The following LRRC37A2 variants were observed in gnomAD, a reference collection of about 807,000 sequenced individuals.
LRRC37A2 encodes leucine rich repeat containing 37 member A2, also known as leucine-rich repeat-containing protein 37A2.
In LRRC37A2, 9 loss-of-function variants were observed where a neutral mutation model predicts 68.8. That is an observed-to-expected ratio of 0.13 (90% CI 0.08 to 0.23). The LOEUF (loss-of-function observed/expected upper bound fraction) is 0.23, where lower values mean the gene tolerates loss of function less well. Among genes scored for constraint, LRRC37A2 ranks in the 10% least tolerant of loss-of-function variants. The probability of loss-of-function intolerance (pLI) is 1.00; values close to 1 mark genes in which losing one functional copy is unlikely to be tolerated. For missense variants in LRRC37A2, 168 were observed against 950.4 expected (o/e 0.18, Z 10.82); for synonymous variants, 63 against 367.6 (o/e 0.17, Z 9.48).
the LRRC37A2 span, among the ~76,000 whole-genome samples, chr17:46,710,295 C>G: frequency 7.9e-5 from 12 of 152,040 alleles, no homozygotes; most frequent in Non-Finnish European, 1.2e-4. Flanking sequence ...GGAGGTATAA[C>G]CTTTGAGATT....
chr17:46,924,782 G>C, the LRRC37A2 span, among the ~76,000 whole-genome samples: 1 of 152,186 alleles, frequency 6.6e-6, no homozygotes, highest in African/African-American at 2.4e-5. Flanking sequence ...GTAATTTAGA[G>C]AAAGAATGAA....
the LRRC37A2 span, among the ~76,000 whole-genome samples, chr17:46,836,273 G>A: frequency 1.2e-4 from 19 of 152,112 alleles, no homozygotes; most frequent in Admixed American, 1.2e-3. Flanking sequence ...TTCAACTGGG[G>A]CTCCCAGGGA....
the LRRC37A2 span, chr17:46,940,529 G>C: frequency 6.2e-7 from 1 of 1,614,052 alleles, no homozygotes; most frequent in East Asian, 2.2e-5. Context: ...CTGAGACTGC[G>C]ACGGCAAGGC....
chr17:46,796,036 G>T, the LRRC37A2 span, among the ~76,000 whole-genome samples: 1 of 152,112 alleles, frequency 6.6e-6, no homozygotes. Flanking sequence ...TCAGTAAAAA[G>T]AAACAGAGGA....
At chr17:46,781,770 T>C in the LRRC37A2 span, among the ~76,000 whole-genome samples, 1 of 152,186 alleles carries the variant, frequency 6.6e-6, no homozygotes, top group Non-Finnish European at 1.5e-5. Context: ...ATCCCCAGCC[T>C]TCAACTTCGC....
At chr17:46,749,817 C>A in the LRRC37A2 span, 1 of 1,614,092 alleles carries the variant, frequency 6.2e-7, no homozygotes, top group Non-Finnish European at 8.5e-7. Context: ...GCAAAGATGT[C>A]CTTCAGGAGA....
the LRRC37A2 span, among the ~76,000 whole-genome samples, chr17:46,771,343 G>A: frequency 7.9e-5 from 12 of 151,876 alleles, no homozygotes; most frequent in Non-Finnish European, 1.6e-4. Context: ...CCCAATCCTA[G>A]ACGCCCCAGC....
the LRRC37A2 span, chr17:46,770,149 A>G: frequency 1.2e-4 from 176 of 1,412,862 alleles, no homozygotes; most frequent in Non-Finnish European, 5.6e-6. Flanking sequence ...CGAGGCCAGG[A>G]AGAGTTGAAG....
chr17:46,893,056 C>T, the LRRC37A2 span, among the ~76,000 whole-genome samples: 1 of 152,022 alleles, frequency 6.6e-6, no homozygotes, highest in Non-Finnish European at 1.5e-5. Context: ...GGCTCAGCCT[C>T]CTGGGTAGCC....
the LRRC37A2 span, chr17:46,940,687 G>T: frequency 6.2e-7 from 1 of 1,610,954 alleles, no homozygotes; most frequent in African/African-American, 1.3e-5. Flanking sequence ...ACATCTTTTC[G>T]TGGTGTGCAC....
At chr17:46,859,370 A>T in the LRRC37A2 span, among the ~76,000 whole-genome samples, 1 of 152,148 alleles carries the variant, frequency 6.6e-6, no homozygotes, top group Non-Finnish European at 1.5e-5. Context: ...TTGCATATGA[A>T]TGTCCACGTG....
chr17:46,925,376 G>T, the LRRC37A2 span, among the ~76,000 whole-genome samples: 1 of 152,204 alleles, frequency 6.6e-6, no homozygotes, highest in Non-Finnish European at 1.5e-5. Flanking sequence ...CCTACTATGT[G>T]CTGTGCACCA....
chr17:46,845,628 C>T, the LRRC37A2 span, among the ~76,000 whole-genome samples: 1 of 150,910 alleles, frequency 6.6e-6, no homozygotes, highest in Non-Finnish European at 1.5e-5. Flanking sequence ...TAGCTGGGGA[C>T]TACAGGTGCC....
At chr17:46,868,126 G>T in the LRRC37A2 span, among the ~76,000 whole-genome samples, 1 of 152,160 alleles carries the variant, frequency 6.6e-6, no homozygotes, top group Non-Finnish European at 1.5e-5. Flanking sequence ...CTGATAGAGT[G>T]GTGGCCCCAG....
the LRRC37A2 span, chr17:46,851,706 C>T: frequency 7.6e-7 from 1 of 1,309,718 alleles, no homozygotes; most frequent in Non-Finnish European, 9.7e-7. This position sits in a 1 kb window ranked among gnomAD's most constrained non-coding sequence, Gnocchi z 4.3. Flanking sequence ...GCCGCCGCCT[C>T]CTACTTCGGG....
chr17:46,946,988 C>A, the LRRC37A2 span, among the ~76,000 whole-genome samples: 1 of 152,058 alleles, frequency 6.6e-6, no homozygotes, highest in African/African-American at 2.4e-5. Context: ...GACTGCTGCC[C>A]CTGGGGAAGG....
At chr17:46,929,733 A>G in the LRRC37A2 span, 1 of 635,368 alleles carries the variant, frequency 1.6e-6, no homozygotes, top group Non-Finnish European at 2.9e-6. Flanking sequence ...ACCCTATGGC[A>G]AAGTCACTGA....
chr17:46,938,659 C>T, the LRRC37A2 span: 11 of 1,613,906 alleles, frequency 6.8e-6, no homozygotes, highest in African/African-American at 8.0e-5. Context: ...CACAGTGATG[C>T]GGCTCATCGA....
intron 2 of LRRC37A2, among the ~76,000 whole-genome samples, chr17:46,516,508 G>T (rs2051355363): frequency 6.9e-6 from 1 of 144,686 alleles, no homozygotes; most frequent in African/African-American, 2.7e-5. Context: ...GGAGAAAAAT[G>T]GGAGTACAGT....
Sources: allele counts gnomAD v4.1 joint callset (sites outside exome capture counted in the v4.1 genomes callset), GRCh38; gene constraint gnomAD v4.1.1; non-coding constraint Gnocchi (gnomAD v3.1); transcripts MANE v1.5; gene names NCBI Gene and HGNC (gene_info 2026-07-23, HGNC 2026-07-21).